WWTR1: variants seen among roughly 807,000 people sequenced by gnomAD.
WWTR1 encodes WW domain containing transcription regulator 1.
In WWTR1, 13 loss-of-function variants were observed where a neutral mutation model predicts 40.1. The observed-to-expected ratio is 0.32, with a 90% CI of 0.21 to 0.52. The LOEUF is 0.52. Ranked by LOEUF, WWTR1 falls within the 20% of genes least tolerant of loss-of-function variation. WWTR1 has a pLI of 0.97. For missense variants in WWTR1, 436 were observed against 523.1 expected (o/e 0.83, Z 1.63); for synonymous variants, 230 against 210.1 (o/e 1.09, Z -0.82).
intron 1 of WWTR1, among the ~76,000 whole-genome samples, chr3:149,698,284 G>C (rs1715057341): frequency 6.6e-6 from 1 of 150,912 alleles, no homozygotes; most frequent in African/African-American, 2.5e-5. Context: ...TCGTGATAGT[G>C]AGTGAGTTCT....
intron 2 of WWTR1, chr3:149,650,020 C>G (rs757063953): frequency 1.3e-5 from 2 of 152,154 alleles, no homozygotes; most frequent in Non-Finnish European, 2.9e-5. Context: ...CCTCGGCCCC[C>G]CAAAGTGATA....
intron 2 of WWTR1, among the ~76,000 whole-genome samples, chr3:149,610,374 C>T (rs1158736459): frequency 6.6e-6 from 1 of 152,128 alleles, no homozygotes; most frequent in Non-Finnish European, 1.5e-5. Context: ...CTAAGAAAAT[C>T]GCATTCCCAG....
intron 1 of WWTR1, among the ~76,000 whole-genome samples, chr3:149,694,378 A>G (rs1406046835): frequency 6.6e-6 from 1 of 152,176 alleles, no homozygotes; most frequent in Admixed American, 6.5e-5. Context: ...TGGGCGACAG[A>G]GCAAGAGCAA....
chr3:149,718,895 G>A (rs548434974), intron 4 of WWTR1, among the ~76,000 whole-genome samples: 126 of 151,792 alleles, frequency 8.3e-4, no homozygotes, highest in Non-Finnish European at 1.5e-3. Flanking sequence ...GTATGATCTC[G>A]GTTCAGTGCA....
At chr3:149,652,691 C>T (rs1712960396) in intron 2 of WWTR1, among the ~76,000 whole-genome samples, 2 of 101,354 alleles carry the variant, frequency 2.0e-5, no homozygotes, top group Admixed American at 1.9e-4. Flanking sequence ...AAAAGGTGAC[C>T]TAACAGACAA....
At chr3:149,569,916 C>A (rs1737538730) in intron 3 of WWTR1, among the ~76,000 whole-genome samples, 1 of 152,130 alleles carries the variant, frequency 6.6e-6, no homozygotes, top group African/African-American at 2.4e-5. Flanking sequence ...CCCAAGAGAT[C>A]CTCCCACCTC....
intron 3 of WWTR1, among the ~76,000 whole-genome samples, chr3:149,568,118 G>C (rs1019938904): frequency 6.6e-6 from 1 of 152,158 alleles, no homozygotes; most frequent in African/African-American, 2.4e-5. Flanking sequence ...GGGTGCAGTG[G>C]CTCACGCCTG....
chr3:149,530,647 T>C (rs1286744324), intron 4 of WWTR1, among the ~76,000 whole-genome samples: 2 of 151,704 alleles, frequency 1.3e-5, no homozygotes, highest in African/African-American at 4.8e-5. Flanking sequence ...TAAATAAAAT[T>C]TAAAGGATTA....
In WWTR1 at chr3:149,570,997, G is replaced by A. The variant is rs1028317590; in HGVS notation, c.568+1867C>T. 3.9e-5 allele frequency among the ~76,000 whole-genome samples: 6 copies of A among 152,200 alleles called. No individual in the cohort carries two copies. The East Asian group carries it at 7.7e-4, about 20-fold the overall frequency. On this transcript the variant is annotated intron_variant, in intron 3 of 6. Transcript: ENST00000360632. ...CTAATTATAGCATATTAATATAGTA[G>A]ACTAATAGGCAAATTTTTAAAAGAA...
At chr3:149,706,393 A>T (rs530897954), upstream of WWTR1, among the ~76,000 whole-genome samples, 164 of 152,090 alleles carry the variant, frequency 1.1e-3, no homozygotes, top group African/African-American at 3.9e-3. Context: ...ATCTCGGCTC[A>T]CCACAACCTC....
intron 2 of WWTR1, among the ~76,000 whole-genome samples, chr3:149,597,191 A>G (rs1393803719): frequency 6.6e-6 from 1 of 152,198 alleles, no homozygotes; most frequent in Non-Finnish European, 1.5e-5. Context: ...TAAGGAAGCC[A>G]AGGATCAAAA....
At chr3:149,692,565 G>T (rs1379174048) in intron 1 of WWTR1, among the ~76,000 whole-genome samples, 1 of 152,140 alleles carries the variant, frequency 6.6e-6, no homozygotes, top group Non-Finnish European at 1.5e-5. Flanking sequence ...GGAAAAAACT[G>T]AAAGCCTTTC....
intron 4 of WWTR1, among the ~76,000 whole-genome samples, chr3:149,530,949 T>G (rs1735547182): frequency 6.6e-6 from 1 of 152,110 alleles, no homozygotes; most frequent in Admixed American, 6.5e-5. Context: ...TTTTTTTTTT[T>G]TTTGAGATGG....
At chr3:149,598,262 C>T (rs143647061) in intron 2 of WWTR1, among the ~76,000 whole-genome samples, 83 of 152,316 alleles carry the variant, frequency 5.4e-4, no homozygotes, top group African/African-American at 1.3e-3. Context: ...CTTGAAGCTA[C>T]GAATTAGTAC....
At chr3:149,671,707 T>C (rs890642441) in intron 1 of WWTR1, among the ~76,000 whole-genome samples, 21 of 152,216 alleles carry the variant, frequency 1.4e-4, no homozygotes, top group African/African-American at 4.3e-4. Flanking sequence ...GAGCTCTTTT[T>C]TAACAGTCAG....
At chr3:149,617,017 A>G (rs1740006746) in intron 2 of WWTR1, among the ~76,000 whole-genome samples, 1 of 152,154 alleles carries the variant, frequency 6.6e-6, no homozygotes, top group African/African-American at 2.4e-5. Context: ...TGCGAAACTA[A>G]TGTAGAAAAA....
chr3:149,542,265 G>A, intron 4 of WWTR1, 70 bp downstream of exon 4: 1 of 1,524,680 alleles, frequency 6.6e-7, no homozygotes, highest in South Asian at 1.3e-5. Flanking sequence ...CTGAAGGTAA[G>A]CAGCTACCTA....
chr3:149,546,450 AAGGAC>A (rs1200441385), intron 3 of WWTR1, among the ~76,000 whole-genome samples: 1 of 152,324 alleles, frequency 6.6e-6, no homozygotes, highest in East Asian at 1.9e-4. Context: ...GAAAAACCCA[AAGGAC>A]AGAACTGTAT....
rs569563317 is a variant in WWTR1 at position 149,663,724 on chromosome 3, C to T, written c.-4+6064G>A. Reference sequence around the variant, plus strand: ...AAAAAATTTTCTTATGAAACCGCTCCTAAGAAGGCCACAATTCCTTGTTGA... The same window carrying T: ...AAAAAATTTTCTTATGAAACCGCTCTTAAGAAGGCCACAATTCCTTGTTGA... On this transcript the variant is annotated intron_variant, in intron 2 of 7. Transcript: ENST00000465804. 3.9e-5 allele frequency among the ~76,000 whole-genome samples: 6 copies of T among 152,200 alleles called. No homozygotes were observed. The East Asian group carries it at 1.2e-3, about 30-fold the overall frequency.
Sources: allele counts gnomAD v4.1 joint callset (sites outside exome capture counted in the v4.1 genomes callset), GRCh38; gene constraint gnomAD v4.1.1; transcripts MANE v1.5; gene names NCBI Gene and HGNC (gene_info 2026-07-23, HGNC 2026-07-21).